The following HACD2 variants were observed in gnomAD, a reference collection of about 807,000 sequenced individuals.
HACD2 encodes the protein 3-hydroxyacyl-CoA dehydratase 2.
In HACD2, 15 loss-of-function variants were observed where a neutral mutation model predicts 31.0. That is an observed-to-expected ratio of 0.48 (90% CI 0.32 to 0.75). The LOEUF is 0.75. HACD2 is among the 30% of genes least tolerant of loss of function. HACD2 has a pLI of 0.03. For synonymous variants in HACD2, 115 were observed against 122.2 expected, an observed-to-expected ratio of 0.94 and a Z score of 0.39; for missense variants, 283 against 313.0, an observed-to-expected ratio of 0.90 and a Z score of 0.72.
rs777036249 is a variant in HACD2 at position 123,491,610 on chromosome 3, ATTT to A, written c.*3275_*3277del. 2 of 152,780 alleles carry A rather than the reference ATTT, an allele frequency of 1.3e-5. No individual in the cohort carries two copies. Among genetic ancestry groups the A allele is most frequent in the Non-Finnish European group, 2.9e-5 (2 of 68,038 alleles). The allele number at this position is 152,780 out of a possible 1,614,324, so 9.5% of individuals were successfully genotyped here. The stretch of plus-strand genomic sequence containing the variant: ...ATTTTGAAATGCAACACAGATCAGT[ATTT>A]TATGAATACAACTTATTACTACATT... On this transcript the variant is annotated 3_prime_UTR_variant, in exon 7 of 7. Transcript: ENST00000383657.
chr3:123,512,203 T>C (rs78666144), intron 4 of HACD2, among the ~76,000 whole-genome samples: 112 of 152,288 alleles, frequency 7.4e-4, no homozygotes, highest in African/African-American at 2.6e-3. Flanking sequence ...TAAAAATCTA[T>C]CTCGAAAGCT....
chr3:123,551,297 C>G (rs540921446), intron 3 of HACD2, among the ~76,000 whole-genome samples: 1 of 152,164 alleles, frequency 6.6e-6, no homozygotes, highest in East Asian at 1.9e-4. Flanking sequence ...GTCAGTGCCA[C>G]GCCTGCCACC....
chr3:123,565,541 C>A (rs914427442), intron 3 of HACD2, among the ~76,000 whole-genome samples: 1 of 152,164 alleles, frequency 6.6e-6, no homozygotes, highest in African/African-American at 2.4e-5. Flanking sequence ...TCTGTCAGCA[C>A]CACCTTGATC....
At chr3:123,582,186 T>C (rs2056972888) in intron 2 of HACD2, 26 bp downstream of exon 2, 3 of 1,392,042 alleles carry the variant, frequency 2.2e-6, no homozygotes, top group African/African-American at 1.5e-5. Flanking sequence ...TGGAAATCAA[T>C]AACAACAATA....
At chr3:123,521,464 G>A (rs1367856728) in intron 4 of HACD2, among the ~76,000 whole-genome samples, 2 of 152,120 alleles carry the variant, frequency 1.3e-5, no homozygotes, top group African/African-American at 2.4e-5. Context: ...GTCAGGACCT[G>A]GCCCTTCCTC....
At chr3:123,577,435 C>T (rs1356584068) in intron 2 of HACD2, among the ~76,000 whole-genome samples, 3 of 151,936 alleles carry the variant, frequency 2.0e-5, no homozygotes, top group African/African-American at 7.3e-5. Flanking sequence ...TCCTGGCTAA[C>T]ATGGTGAAAC....
intron 4 of HACD2, among the ~76,000 whole-genome samples, chr3:123,527,202 A>G (rs1460737371): frequency 6.6e-6 from 1 of 152,154 alleles, no homozygotes; most frequent in Non-Finnish European, 1.5e-5. Flanking sequence ...GGTTAAAATG[A>G]AAAGGAAATG....
chr3:123,584,587 A>C, intron 1 of HACD2: 2 of 248,020 alleles, frequency 8.1e-6, no homozygotes, highest in Non-Finnish European at 7.6e-6. Flanking sequence ...GGCCAGCCCC[A>C]CCTTTCCTCC....
At chr3:123,539,457 C>A (rs984802443) in intron 3 of HACD2, among the ~76,000 whole-genome samples, 3 of 151,868 alleles carry the variant, frequency 2.0e-5, no homozygotes, top group African/African-American at 7.3e-5. Context: ...ATAGTCCCAG[C>A]TACTCGGGAG....
In HACD2 at chr3:123,507,691, C is replaced by T. The variant is rs141448674; in HGVS notation, c.382-5010G>A. On this transcript the variant is annotated intron_variant, in intron 4 of 6. Coordinates refer to ENST00000383657, the MANE Select transcript of HACD2 (RefSeq NM_198402.5). ...CCTGTATCAAAACATCTCATGCACCCCATAAATACAGATACCTACTATGTA... is the reference window on the plus strand; with the variant it reads ...CCTGTATCAAAACATCTCATGCACCTCATAAATACAGATACCTACTATGTA... Among the ~76,000 whole-genome samples the T allele has an allele frequency of 8.1e-3, 1,232 of 151,612 alleles. 5 individuals carry two copies. Among genetic ancestry groups the T allele is most frequent in the Non-Finnish European group, 0.014 (964 of 67,888 alleles).
intron 2 of HACD2, among the ~76,000 whole-genome samples, chr3:123,572,769 T>C (rs1457606605): frequency 1.3e-5 from 2 of 152,140 alleles, no homozygotes; most frequent in East Asian, 3.8e-4. Flanking sequence ...CCAAAAAGTT[T>C]AAGAAGTCTC....
Position 123,494,816 on chromosome 3 carries a change from G to T in HACD2, c.*72C>A. 1 of 947,342 alleles carries T rather than the reference G, an allele frequency of 1.1e-6. No individual in the cohort carries two copies. Among genetic ancestry groups the T allele is most frequent in the South Asian group, 1.5e-5 (1 of 67,818 alleles). 58.7% of individuals were successfully genotyped at this position (947,342 alleles called of 1,614,324 possible). On this transcript the variant is annotated 3_prime_UTR_variant, in exon 7 of 7. Coordinates refer to ENST00000383657, the MANE Select transcript of HACD2 (RefSeq NM_198402.5). The stretch of plus-strand genomic sequence containing the variant: ...ACTTATTTTCTATGAAACGTATTGG[G>T]AACTCAAAAAATCTGCAGCATTTTT...
chr3:123,564,559 A>C (rs1205350776), intron 3 of HACD2, among the ~76,000 whole-genome samples: 1 of 152,142 alleles, frequency 6.6e-6, no homozygotes, highest in Non-Finnish European at 1.5e-5. Context: ...AATCCAGTAG[A>C]CATTGTTGCT....
chr3:123,513,749 T>C (rs1313899354), intron 4 of HACD2, among the ~76,000 whole-genome samples: 1 of 152,150 alleles, frequency 6.6e-6, no homozygotes, highest in Non-Finnish European at 1.5e-5. Flanking sequence ...TACCGATTAC[T>C]TTCTCCATTC....
chr3:123,543,492 A>T (rs2056518361), intron 3 of HACD2, among the ~76,000 whole-genome samples: 1 of 152,200 alleles, frequency 6.6e-6, no homozygotes, highest in Non-Finnish European at 1.5e-5. Context: ...GAGGAAGGGC[A>T]CTGGATGGCT....
intron 4 of HACD2, among the ~76,000 whole-genome samples, chr3:123,504,470 C>CAGTT (rs1404898282): frequency 6.6e-6 from 1 of 152,070 alleles, no homozygotes; most frequent in Non-Finnish European, 1.5e-5. Context: ...CTCCGAGACT[C>CAGTT]AGTTCCCTTC....
chr3:123,491,692 G>A lies in HACD2; in HGVS notation c.*3196C>T, dbSNP rs915441554. On this transcript the variant is annotated 3_prime_UTR_variant, in exon 7 of 7. Coordinates refer to ENST00000383657, the MANE Select transcript of HACD2 (RefSeq NM_198402.5). ...GCATAGAAAGTTAAGCGTAGTCTCT[G>A]GACTCCTTATTTCTAAATATACAAA... 10 of 152,458 alleles carry A rather than the reference G, an allele frequency of 6.6e-5. No individual in the cohort carries two copies. The highest frequency in any genetic ancestry group is 2.4e-4 in the African/African-American group (10 of 41,378). 9.4% of individuals were successfully genotyped at this position (152,458 alleles called of 1,614,324 possible). A position where few individuals can be genotyped will look rare whatever the true frequency, so the allele number is the denominator to read the frequency against.
Position 123,582,256 on chromosome 3 carries a change from T to C in HACD2, c.229A>G (p.Ile77Val), listed in dbSNP as rs760203086. ...KGSYHSLYYS[I>V]EKPLKFFQTG... ...TGAAAGAATTTCAAAGGCTTTTCAATTGAATAATAAAGGCTATGGTAGCTA... is the reference window on the plus strand; with the variant it reads ...TGAAAGAATTTCAAAGGCTTTTCAACTGAATAATAAAGGCTATGGTAGCTA... The change falls in exon 2 of 7, where the codon ATT (isoleucine) becomes GTT (valine). Residue 77 changes from isoleucine (I) to valine (V), a missense_variant. Ile to Val is a conservative substitution (Grantham distance 29, BLOSUM62 3). Coordinates refer to ENST00000383657, the MANE Select transcript of HACD2 (RefSeq NM_198402.5). 56 of 1,607,888 alleles carry C rather than the reference T, an allele frequency of 3.5e-5. 1 individual carries two copies. The highest frequency in any genetic ancestry group is 3.2e-4 in the Admixed American group (19 of 59,200).
intron 3 of HACD2, among the ~76,000 whole-genome samples, chr3:123,529,740 AAAAGT>A (rs2056328820): frequency 6.6e-6 from 1 of 152,140 alleles, no homozygotes; most frequent in Non-Finnish European, 1.5e-5. Context: ...ATAAATGAGT[AAAAGT>A]AAATAAATAC....
Sources: gnomAD v4.1 joint callset for allele counts (sites outside exome capture counted in the v4.1 genomes callset) on GRCh38, gnomAD v4.1.1 for gene constraint, MANE v1.5 for transcripts, NCBI Gene and HGNC (gene_info 2026-07-23, HGNC 2026-07-21) for gene names.